Variants in PCDHGA6 observed in about 807,000 individuals in gnomAD.
PCDHGA6 encodes protocadherin gamma subfamily A, 6, also known as protocadherin gamma-A6.
A neutral mutation model predicts 60.6 loss-of-function variants in PCDHGA6; 41 were observed. That is an observed-to-expected ratio of 0.68 (90% CI 0.53 to 0.88). The LOEUF (loss-of-function observed/expected upper bound fraction) is 0.88, where lower values mean the gene tolerates loss of function less well. Ranked by LOEUF, PCDHGA6 falls within the 40% of genes least tolerant of loss-of-function variation. The pLI is 0.00. For missense variants in PCDHGA6, 1,312 were observed against 1,203.0 expected (o/e 1.09, Z -1.34); for synonymous variants, 594 against 524.4 (o/e 1.13, Z -1.81).
chr5:141,374,104 T>A lies in PCDHGA6; in HGVS notation c.21T>A (p.His7Gln), dbSNP rs200348921. 1.9e-6 allele frequency: 3 copies of A among 1,570,610 alleles called. No individual in the cohort carries two copies. The highest frequency in any genetic ancestry group is 8.6e-7 in the Non-Finnish European group (1 of 1,156,386). The change falls in exon 1 of 4, where the codon CAT (histidine) becomes CAA (glutamine). Residue 7 changes from histidine to glutamine, a missense_variant. Physicochemically the swap from His to Gln is conservative, Grantham distance 24 (BLOSUM62 0). Coordinates refer to ENST00000517434, the MANE Select transcript of PCDHGA6 (RefSeq NM_018919.3). MAPPQR[H>Q]PQRSEQVLLL... Reference sequence around the variant, plus strand: ...CAGTAATGGCGCCTCCGCAGAGGCATCCGCAGCGCAGCGAGCAGGTCCTGC... The same window carrying A: ...CAGTAATGGCGCCTCCGCAGAGGCAACCGCAGCGCAGCGAGCAGGTCCTGC...
chr5:141,421,965 C>T (rs775450008), intron 1 of PCDHGA6: 3 of 1,610,242 alleles, frequency 1.9e-6, no homozygotes, highest in Non-Finnish European at 2.5e-6. Context: ...TTACACAGTC[C>T]GTATATCGCG....
intron 1 of PCDHGA6, chr5:141,415,448 C>T (rs2095870056): frequency 6.2e-7 from 1 of 1,614,052 alleles, no homozygotes; most frequent in African/African-American, 1.3e-5. Flanking sequence ...CAGACCTATT[C>T]CCACGAGGTC....
rs527514615 is a variant in PCDHGA6 at position 141,485,941 on chromosome 5, A to G, written c.2425-8866A>G. ...GGATTAGTGTGTTGGAGAGCGCACC[A>G]GCGGGCATGGTGCTCATCCAGCTCA... is the stretch of plus-strand genomic sequence containing the variant. On this transcript the variant is annotated intron_variant, in intron 1 of 3. Coordinates refer to ENST00000517434, the MANE Select transcript of PCDHGA6 (RefSeq NM_018919.3). This position sits in a 1 kb window ranked among gnomAD's most constrained non-coding sequence, Gnocchi z 5.7. The G allele has an allele frequency of 2.5e-6, 4 of 1,614,180 alleles. No homozygotes were observed. The highest frequency in any genetic ancestry group is 2.7e-5 in the African/African-American group (2 of 75,032).
intron 1 of PCDHGA6, among the ~76,000 whole-genome samples, chr5:141,480,959 C>A (rs1476891394): frequency 1.3e-5 from 2 of 152,086 alleles, no homozygotes; most frequent in East Asian, 3.8e-4. Flanking sequence ...GCGGAAGCAT[C>A]AGTGAGGGAG....
intron 1 of PCDHGA6, among the ~76,000 whole-genome samples, chr5:141,449,606 A>AG (rs1263111904): frequency 2.0e-5 from 3 of 150,702 alleles, no homozygotes; most frequent in Non-Finnish European, 3.0e-5. Flanking sequence ...AAAAAAAAAA[A>AG]AGTAAAAAAG....
chr5:141,388,657 G>C (rs769160604), intron 1 of PCDHGA6: 2 of 1,613,878 alleles, frequency 1.2e-6, no homozygotes, highest in African/African-American at 1.3e-5. Flanking sequence ...GTGTACCCGG[G>C]GACCACGGTG....
At position 141,375,435 on chromosome 5, in the gene PCDHGA6, C is replaced by A; in HGVS notation, c.1352C>A (p.Thr451Asn). 1 of 1,614,002 alleles carries A rather than the reference C, an allele frequency of 6.2e-7. No homozygotes were observed. The highest frequency in any genetic ancestry group is 2.2e-5 in the East Asian group (1 of 44,878). The change falls in exon 1 of 4, where the codon ACC becomes AAC. Residue 451 changes from threonine to asparagine, a missense_variant. Thr to Asn is a moderately conservative substitution (Grantham distance 65, BLOSUM62 0). Transcript: ENST00000517434. ...NVADTNDNPP[T>N]FPHSSYSVYV... ...GCAGACACCAACGACAACCCGCCCA[C>A]CTTCCCCCATTCATCCTACTCAGTC... is the stretch of plus-strand genomic sequence containing the variant.
At chr5:141,378,996 A>G (rs1477172762) in intron 1 of PCDHGA6, 1 of 152,260 alleles carries the variant, frequency 6.6e-6, no homozygotes, top group Non-Finnish European at 1.5e-5. Context: ...CATTATAGTC[A>G]AGATTTTTCT....
In PCDHGA6 at chr5:141,375,201, A is replaced by T. The variant is rs1173523858; in HGVS notation, c.1118A>T (p.Asp373Val). The T allele has an allele frequency of 6.2e-7, 1 of 1,614,004 alleles. No homozygotes were observed. Among genetic ancestry groups the T allele is most frequent in the Non-Finnish European group, 8.5e-7 (1 of 1,179,892 alleles). ...GTVIALFQVF[D>V]RDSGLNGLVT... Reference sequence around the variant, plus strand: ...GTAATCGCCCTTTTTCAAGTGTTCGATCGAGACTCTGGCCTGAATGGCCTG... The same window carrying T: ...GTAATCGCCCTTTTTCAAGTGTTCGTTCGAGACTCTGGCCTGAATGGCCTG... The change falls in exon 1 of 4, where the codon GAT becomes GTT. Residue 373 changes from aspartate (D) to valine (V), a missense_variant. Coordinates refer to ENST00000517434, the MANE Select transcript of PCDHGA6 (RefSeq NM_018919.3).
intron 1 of PCDHGA6, chr5:141,410,801 A>T: frequency 3.4e-6 from 2 of 587,936 alleles, no homozygotes; most frequent in South Asian, 3.5e-5. Context: ...AAGTTGCTCT[A>T]TCTTTTTGTA....
chr5:141,486,987 G>C lies in PCDHGA6; in HGVS notation c.2425-7820G>C, dbSNP rs1327158531. ...GACTTGGATTCAGGTTACAATGCTTGGGTTTCCTATCAGCTCCTGGAGGCC... is the reference window on the plus strand; with the variant it reads ...GACTTGGATTCAGGTTACAATGCTTCGGTTTCCTATCAGCTCCTGGAGGCC... On this transcript the variant is annotated intron_variant, in intron 1 of 3. Transcript: ENST00000517434. The surrounding 1 kb of genome is among the most constrained non-coding windows in gnomAD (Gnocchi z 5.0). The C allele has an allele frequency of 6.2e-7, 1 of 1,614,144 alleles. No homozygotes were observed. Among genetic ancestry groups the C allele is most frequent in the Admixed American group, 1.7e-5 (1 of 60,020 alleles).
chr5:141,378,013 A>G (rs2150121328), intron 1 of PCDHGA6: 1 of 152,212 alleles, frequency 6.6e-6, no homozygotes, highest in East Asian at 1.9e-4. Context: ...AATAAGCTCT[A>G]CTTATATTAT....
chr5:141,485,357 C>T lies in PCDHGA6; in HGVS notation c.2425-9450C>T. ...GCTGGATACGGACAGTCTGTCAGCT[C>T]GCAGGCTGCAGGTCGCTGGAGAGGT... On this transcript the variant is annotated intron_variant, in intron 1 of 3. Transcript: ENST00000517434. The surrounding 1 kb of genome is among the most constrained non-coding windows in gnomAD (Gnocchi z 5.7). 1.2e-6 allele frequency: 2 copies of T among 1,614,084 alleles called. No individual in the cohort carries two copies. The highest frequency in any genetic ancestry group is 1.1e-5 in the South Asian group (1 of 91,070).
chr5:141,494,745 G>C, intron 1 of PCDHGA6, 62 bp from the exon 2 acceptor site: 1 of 1,612,802 alleles, frequency 6.2e-7, no homozygotes, highest in Middle Eastern at 1.7e-4. Flanking sequence ...ATCCCTAGGG[G>C]CTCGGGTGAC....
At chr5:141,509,081 A>G (rs1279221589) in intron 3 of PCDHGA6, among the ~76,000 whole-genome samples, 1 of 152,160 alleles carries the variant, frequency 6.6e-6, no homozygotes, top group African/African-American at 2.4e-5. Flanking sequence ...GATTTGCGAC[A>G]TGAAATGGGG....
intron 1 of PCDHGA6, among the ~76,000 whole-genome samples, chr5:141,471,778 A>T (rs2099264151): frequency 6.6e-6 from 1 of 152,244 alleles, no homozygotes; most frequent in Non-Finnish European, 1.5e-5. Flanking sequence ...TGAGTTTGAC[A>T]TTATGCTATG....
intron 3 of PCDHGA6, among the ~76,000 whole-genome samples, chr5:141,506,190 C>T (rs1313145580): frequency 6.6e-6 from 1 of 152,180 alleles, no homozygotes; most frequent in Non-Finnish European, 1.5e-5. Flanking sequence ...GTGGCTCACG[C>T]CTGTAATCCC....
intron 1 of PCDHGA6, chr5:141,421,118 T>A (rs572827470): frequency 1.3e-6 from 1 of 771,946 alleles, no homozygotes; most frequent in South Asian, 1.9e-5. Flanking sequence ...GTATTTTCCT[T>A]CGCTTTCTGA....
chr5:141,385,363 T>G lies in PCDHGA6; in HGVS notation c.2424+8856T>G, dbSNP rs533363868. The G allele has an allele frequency of 5.7e-5, 88 of 1,539,980 alleles. No individual in the cohort carries two copies. The South Asian group carries it at 1.1e-3, about 19-fold the overall frequency. The stretch of plus-strand genomic sequence containing the variant: ...TCCTTTATTTCCATGAGGAATTTAT[T>G]TGCATGATATTTCTCTATTATTTTG... On this transcript the variant is annotated intron_variant, in intron 1 of 3. Transcript: ENST00000517434.
Sources: allele counts gnomAD v4.1 joint callset (sites outside exome capture counted in the v4.1 genomes callset), GRCh38; gene constraint gnomAD v4.1.1; non-coding constraint Gnocchi (gnomAD v3.1); transcripts MANE v1.5; gene names NCBI Gene and HGNC (gene_info 2026-07-23, HGNC 2026-07-21).